KCND2: variants seen among roughly 807,000 people sequenced by gnomAD.
KCND2 encodes A-type voltage-gated potassium channel KCND2.
Under a neutral mutation model 54.4 loss-of-function variants are expected in KCND2, and 16 were observed. The ratio of observed to expected loss-of-function variants is 0.29; its 90% CI spans 0.20 to 0.45. The LOEUF is 0.45. Ranked by LOEUF, KCND2 falls within the 20% of genes least tolerant of loss-of-function variation. KCND2 has a pLI of 1.00. For synonymous variants in KCND2, 317 were observed against 310.7 expected (o/e 1.02, Z -0.21); for missense variants, 486 against 824.2 (o/e 0.59, Z 5.02).
intron 1 of KCND2, among the ~76,000 whole-genome samples, chr7:120,509,850 G>T (rs1803085043): frequency 6.6e-6 from 1 of 151,946 alleles, no homozygotes; most frequent in African/African-American, 2.4e-5. Context: ...ACAATACCTA[G>T]GAATCAATGT....
At chr7:120,636,748 A>T (rs1015777517) in intron 1 of KCND2, among the ~76,000 whole-genome samples, 1 of 152,138 alleles carries the variant, frequency 6.6e-6, no homozygotes, top group African/African-American at 2.4e-5. Context: ...TAAATGACTA[A>T]GAAAGAACAT....
At chr7:120,378,227 T>G (rs1800864207) in intron 1 of KCND2, among the ~76,000 whole-genome samples, 1 of 152,008 alleles carries the variant, frequency 6.6e-6, no homozygotes, top group Admixed American at 6.6e-5. Flanking sequence ...AAATTCATCT[T>G]CTGATTGTCA....
At chr7:120,600,207 G>C (rs2116471596) in intron 1 of KCND2, among the ~76,000 whole-genome samples, 1 of 151,824 alleles carries the variant, frequency 6.6e-6, no homozygotes, top group East Asian at 1.9e-4. Flanking sequence ...AATGAAATCA[G>C]ACTTCAACCT....
intron 1 of KCND2, among the ~76,000 whole-genome samples, chr7:120,424,066 G>A (rs73433862): frequency 0.013 from 2,017 of 152,224 alleles, 46 homozygotes; most frequent in African/African-American, 0.043. Flanking sequence ...TAATTACTTT[G>A]TAATTTTCTC....
chr7:120,487,051 T>C (rs1802705069), intron 1 of KCND2, among the ~76,000 whole-genome samples: 1 of 152,098 alleles, frequency 6.6e-6, no homozygotes, highest in South Asian at 2.1e-4. Flanking sequence ...GTAAAATCAA[T>C]ATGCTAAGCT....
At chr7:120,577,910 T>C (rs562104926) in intron 1 of KCND2, among the ~76,000 whole-genome samples, 1 of 152,070 alleles carries the variant, frequency 6.6e-6, no homozygotes, top group East Asian at 1.9e-4. Flanking sequence ...TAAGAAAAAA[T>C]ACATTTTTGG....
Position 120,677,200 on chromosome 7 carries a change from TTAGAGACAGTGCAA to T in KCND2, c.1116-55690_1116-55677del, listed in dbSNP as rs766711693. Among the ~76,000 whole-genome samples, 77 of 152,210 alleles carry T rather than the reference TTAGAGACAGTGCAA, an allele frequency of 5.1e-4. 1 individual carries two copies. The highest frequency in any genetic ancestry group is 9.0e-4 in the Non-Finnish European group (61 of 68,002). On this transcript the variant is annotated intron_variant, in intron 1 of 5. Transcript: ENST00000331113. ...TCACAAGTAAAGGACCTGCTAGAAT[TTAGAGACAGTGCAA>T]TAGAGACAGTGCTACCAAAAAAAAT...
In KCND2 at chr7:120,743,986, G is replaced by A. The variant is rs74865420; in HGVS notation, c.1467+1384G>A. Among the ~76,000 whole-genome samples, 4 of 152,154 alleles carry A rather than the reference G, an allele frequency of 2.6e-5. No homozygotes were observed. In the South Asian group the frequency reaches 6.2e-4, roughly 24 times the overall value. On this transcript the variant is annotated intron_variant, in intron 4 of 5. Transcript: ENST00000331113. ...ATTAATAATAAAATGTTGGCCAGGC[G>A]CAGTGGCTCACGTCTGTAATCCCAG...
intron 1 of KCND2, among the ~76,000 whole-genome samples, chr7:120,281,941 CT>C (rs1428072423): frequency 6.6e-6 from 1 of 152,070 alleles, no homozygotes; most frequent in Non-Finnish European, 1.5e-5. Context: ...TAAATGTACC[CT>C]TTTAATTTTT....
chr7:120,614,276 G>A (rs1351521356), intron 1 of KCND2, among the ~76,000 whole-genome samples: 1 of 152,192 alleles, frequency 6.6e-6, no homozygotes, highest in Non-Finnish European at 1.5e-5. Context: ...GCCTCTCAAA[G>A]TGCTGGGATT....
At chr7:120,375,733 T>C (rs1800827499) in intron 1 of KCND2, among the ~76,000 whole-genome samples, 1 of 151,800 alleles carries the variant, frequency 6.6e-6, no homozygotes, top group South Asian at 2.1e-4. Flanking sequence ...CTCAAGTTTA[T>C]AAATGAATTA....
intron 1 of KCND2, among the ~76,000 whole-genome samples, chr7:120,382,679 C>G (rs1800931334): frequency 6.6e-6 from 1 of 151,702 alleles, no homozygotes; most frequent in African/African-American, 2.4e-5. Flanking sequence ...CTAACAAAAG[C>G]TAAGGTTTAA....
Position 120,541,636 on chromosome 7 carries a change from C to T in KCND2, c.1116-191267C>T, listed in dbSNP as rs1422687120. Among the ~76,000 whole-genome samples, 4 of 152,170 alleles carry T rather than the reference C, an allele frequency of 2.6e-5. No homozygotes were observed. The East Asian group carries it at 7.7e-4, about 29-fold the overall frequency. ...TTCAGTTGGCTGCCACCAAGACAGA[C>T]CATGGTCAACTCATTTTCCAGCTGC... is the stretch of plus-strand genomic sequence containing the variant. On this transcript the variant is annotated intron_variant, in intron 1 of 5. Transcript: ENST00000331113.
chr7:120,436,985 C>G (rs1156429891), intron 1 of KCND2, among the ~76,000 whole-genome samples: 1 of 152,136 alleles, frequency 6.6e-6, no homozygotes, highest in Non-Finnish European at 1.5e-5. Flanking sequence ...AGTGATGTCA[C>G]AAATGTCTAG....
At chr7:120,633,745 G>T (rs993057623) in intron 1 of KCND2, among the ~76,000 whole-genome samples, 1 of 152,018 alleles carries the variant, frequency 6.6e-6, no homozygotes, top group Non-Finnish European at 1.5e-5. Flanking sequence ...CAACCATTTC[G>T]CTACTCTGAA....
intron 1 of KCND2, among the ~76,000 whole-genome samples, chr7:120,582,252 A>AT (rs201685277): frequency 6.6e-5 from 10 of 151,910 alleles, no homozygotes; most frequent in African/African-American, 2.2e-4. Flanking sequence ...CTCCATTGTG[A>AT]TTTTTTTTAA....
chr7:120,671,023 C>T (rs1791986753), intron 1 of KCND2, among the ~76,000 whole-genome samples: 1 of 151,996 alleles, frequency 6.6e-6, no homozygotes, highest in Non-Finnish European at 1.5e-5. Flanking sequence ...TGTTTGTTTA[C>T]ATTTAATAGC....
intron 1 of KCND2, among the ~76,000 whole-genome samples, chr7:120,305,441 G>T (rs1255299535): frequency 6.6e-6 from 1 of 152,038 alleles, no homozygotes; most frequent in Non-Finnish European, 1.5e-5. Flanking sequence ...ATCTTCAACC[G>T]AGAGACAATG....
At chr7:120,280,972 A>T (rs1799251643) in intron 1 of KCND2, among the ~76,000 whole-genome samples, 1 of 152,106 alleles carries the variant, frequency 6.6e-6, no homozygotes, top group African/African-American at 2.4e-5. Flanking sequence ...TTCAAACAGC[A>T]CTGGGGTTTA....
Sources: allele counts gnomAD v4.1 joint callset (sites outside exome capture counted in the v4.1 genomes callset), GRCh38; gene constraint gnomAD v4.1.1; transcripts MANE v1.5; gene names NCBI Gene and HGNC (gene_info 2026-07-23, HGNC 2026-07-21).